Variants in MAPRE2 observed in about 807,000 individuals in gnomAD.
MAPRE2 encodes the protein microtubule associated protein RP/EB family member 2, also known as microtubule-associated protein RP/EB family member 2.
A neutral mutation model predicts 43.2 loss-of-function variants in MAPRE2; 13 were observed. That is an observed-to-expected ratio of 0.30 (90% CI 0.20 to 0.48). MAPRE2 has a LOEUF of 0.48. MAPRE2 is among the 20% of genes least tolerant of loss of function. The pLI, the probability that MAPRE2 is intolerant of heterozygous loss-of-function variation, is 0.99. For synonymous variants in MAPRE2, 135 were observed against 148.8 expected, an observed-to-expected ratio of 0.91 and a Z score of 0.68; for missense variants, 161 against 400.2, an observed-to-expected ratio of 0.40 and a Z score of 5.10.
intron 4 of MAPRE2, among the ~76,000 whole-genome samples, chr18:35,118,653 A>G (rs1909526137): frequency 6.6e-6 from 1 of 152,200 alleles, no homozygotes; most frequent in African/African-American, 2.4e-5. Flanking sequence ...CACAGCAGGC[A>G]GAGTGAGCCT....
intron 2 of MAPRE2, among the ~76,000 whole-genome samples, chr18:35,022,221 A>G (rs947244482): frequency 5.6e-4 from 85 of 152,306 alleles, no homozygotes; most frequent in African/African-American, 1.9e-3. Context: ...CATAACATCT[A>G]AAAATCTATG....
intron 2 of MAPRE2, among the ~76,000 whole-genome samples, chr18:35,033,828 G>T (rs1322437048): frequency 1.4e-5 from 2 of 146,878 alleles, no homozygotes; most frequent in Non-Finnish European, 3.0e-5. Context: ...ACCTCTTCAA[G>T]GAGAACTACA....
At chr18:35,008,544 A>G (rs1364486814) in intron 2 of MAPRE2, among the ~76,000 whole-genome samples, 1 of 152,214 alleles carries the variant, frequency 6.6e-6, no homozygotes, top group Admixed American at 6.5e-5. Flanking sequence ...AGCATCTTTT[A>G]CTTTCATGGG....
intron 2 of MAPRE2, among the ~76,000 whole-genome samples, chr18:35,088,036 A>C (rs1419622466): frequency 6.6e-6 from 1 of 152,216 alleles, no homozygotes; most frequent in African/African-American, 2.4e-5. Context: ...AGGAGGGCTG[A>C]ACCCTCATGG....
chr18:35,088,744 A>C (rs1386294556), intron 2 of MAPRE2, among the ~76,000 whole-genome samples: 1 of 152,194 alleles, frequency 6.6e-6, no homozygotes, highest in African/African-American at 2.4e-5. Flanking sequence ...TAAAGAAGAA[A>C]ATATAGAATT....
intron 1 of MAPRE2, among the ~76,000 whole-genome samples, chr18:34,993,996 T>C (rs745516948): frequency 2.6e-4 from 17 of 66,424 alleles, no homozygotes; most frequent in Middle Eastern, 9.4e-3. Context: ...GATTTTCTTT[T>C]TTTTTTTTTT....
intron 1 of MAPRE2, among the ~76,000 whole-genome samples, chr18:34,979,787 A>G (rs889825812): frequency 2.1e-4 from 32 of 152,298 alleles, no homozygotes; most frequent in African/African-American, 7.5e-4. Flanking sequence ...GCTATTAACC[A>G]AAGGTTTCTT....
chr18:35,047,285 CT>C (rs1905678560), intron 1 of MAPRE2, among the ~76,000 whole-genome samples: 1 of 152,176 alleles, frequency 6.6e-6, no homozygotes, highest in Non-Finnish European at 1.5e-5. Context: ...TTCTTCCTGA[CT>C]TCAGGCCATC....
chr18:35,097,392 A>G (rs1908478526), intron 2 of MAPRE2, 54 bp from the exon 3 acceptor site: 1 of 1,563,116 alleles, frequency 6.4e-7, no homozygotes, highest in East Asian at 2.2e-5. Flanking sequence ...GCAGTCCTCT[A>G]CCACATCTGG....
chr18:35,070,116 G>A, intron 1 of MAPRE2, 79 bp from the exon 2 acceptor site: 2 of 1,322,282 alleles, frequency 1.5e-6, no homozygotes, highest in East Asian at 4.9e-5. Flanking sequence ...GTCCTGCCAG[G>A]ATCTTGACCT....
rs149672856 is a variant in MAPRE2, at chr18:35,008,949, GGTGT to G, written c.-8+3408_-8+3411del. ...TAAAGCACTGTGCTGAGTGTTTTGG[GGTGT>G]GTGTGTGTGTGCATGCACGTGTGTG... On this transcript the variant is annotated intron_variant, in intron 2 of 7. Coordinates refer to the MAPRE2 transcript ENST00000413393. 1.7e-4 allele frequency among the ~76,000 whole-genome samples: 25 copies of G among 148,824 alleles called. No homozygotes were observed. The East Asian group carries it at 4.6e-3, about 27-fold the overall frequency.
chr18:34,993,081 C>A (rs1490303995), intron 1 of MAPRE2, among the ~76,000 whole-genome samples: 2 of 152,082 alleles, frequency 1.3e-5, no homozygotes, highest in Admixed American at 1.3e-4. Flanking sequence ...TGTGCTACTG[C>A]ACAATTACTG....
At chr18:35,094,498 A>G (rs1444143327) in intron 2 of MAPRE2, among the ~76,000 whole-genome samples, 2 of 152,220 alleles carry the variant, frequency 1.3e-5, no homozygotes, top group African/African-American at 2.4e-5. Flanking sequence ...TACATGTATT[A>G]GGAAGGCAAT....
At chr18:35,076,447 A>T (rs1603398270) in intron 2 of MAPRE2, among the ~76,000 whole-genome samples, 1 of 152,194 alleles carries the variant, frequency 6.6e-6, no homozygotes, top group Admixed American at 6.5e-5. Flanking sequence ...CTTCTGGATG[A>T]AAGAATGGCC....
intron 2 of MAPRE2, among the ~76,000 whole-genome samples, chr18:35,021,668 A>C (rs273348): frequency 0.51 from 77,536 of 151,920 alleles, 22,507 homozygotes; most frequent in East Asian, 0.71. Context: ...TCAAAAATCA[A>C]TTGGACTTAG....
intron 5 of MAPRE2, among the ~76,000 whole-genome samples, chr18:35,130,835 T>C (rs1247617224): frequency 1.3e-5 from 2 of 152,152 alleles, no homozygotes; most frequent in East Asian, 3.9e-4. Flanking sequence ...AAACCAGATC[T>C]AGTCACAACC....
At chr18:35,134,079 G>A (rs1910283072) in intron 6 of MAPRE2, among the ~76,000 whole-genome samples, 1 of 152,200 alleles carries the variant, frequency 6.6e-6, no homozygotes, top group African/African-American at 2.4e-5. Context: ...ACACCTGGTT[G>A]GGGTTTGAGG....
intron 2 of MAPRE2, among the ~76,000 whole-genome samples, chr18:35,032,676 TTTTTTTTGTTTTG>T (rs2150592954): frequency 6.6e-6 from 1 of 152,168 alleles, no homozygotes; most frequent in Admixed American, 6.5e-5. Flanking sequence ...CTTCCTGGGT[TTTTTTTTGTTTTG>T]TTTTTTTGTT....
intron 1 of MAPRE2, among the ~76,000 whole-genome samples, chr18:34,992,723 T>C (rs2097024434): frequency 6.6e-6 from 1 of 152,170 alleles, no homozygotes; most frequent in South Asian, 2.1e-4. Context: ...ATTCTTTAAA[T>C]TGGAATAGGC....
Sources: allele counts gnomAD v4.1 joint callset (sites outside exome capture counted in the v4.1 genomes callset), GRCh38; gene constraint gnomAD v4.1.1; transcripts MANE v1.5; gene names NCBI Gene and HGNC (gene_info 2026-07-23, HGNC 2026-07-21).